The following MYRF variants were observed in gnomAD, a reference collection of about 807,000 sequenced individuals.
MYRF encodes myelin gene regulatory factor.
Under a neutral mutation model 126.3 loss-of-function variants are expected in MYRF, and 16 were observed. The observed-to-expected ratio is 0.13, with a 90% confidence interval of 0.09 to 0.19. The LOEUF is 0.19. Among genes scored for constraint, MYRF ranks in the 10% least tolerant of loss-of-function variants. The pLI is 1.00. For synonymous variants in MYRF, 608 were observed against 635.3 expected, an observed-to-expected ratio of 0.96 and a Z score of 0.65; for missense variants, 1,104 against 1,547.0, an observed-to-expected ratio of 0.71 and a Z score of 4.80.
chr11:61,766,486 C>T, intron 3 of MYRF: 1 of 461,698 alleles, frequency 2.2e-6, no homozygotes, highest in Non-Finnish European at 3.8e-6. Flanking sequence ...AATCTCGATG[C>T]TGTGTGGAGA....
intron 17 of MYRF, 58 bp downstream of exon 17, chr11:61,779,988 GA>G: frequency 1.4e-6 from 2 of 1,479,478 alleles, no homozygotes; most frequent in Non-Finnish European, 1.9e-6. Flanking sequence ...CTGCCCAGTG[GA>G]GTCAGCTGCC....
intron 24 of MYRF, 81 bp from the exon 25 acceptor site, chr11:61,784,199 C>A: frequency 1.5e-6 from 2 of 1,302,348 alleles, no homozygotes; most frequent in Non-Finnish European, 1.1e-6. Context: ...GATTCAGAGG[C>A]GTGTGGCAGG....
chr11:61,781,146 A>C lies in MYRF; in HGVS notation c.2581A>C (p.Ser861Arg). 1 of 1,613,498 alleles carries C rather than the reference A, an allele frequency of 6.2e-7. No homozygotes were observed. The stretch of plus-strand genomic sequence containing the variant: ...GCCTCTGGCCTCCTCAGTGACCACC[A>C]GCCTCACCAGCTCGGCCCCAGGTTC... ...IQPSLLLVTT[S>R]LTSSAPGSAV... The change falls in exon 21 of 27, where the codon AGC becomes CGC. Residue 861 changes from serine to arginine, a missense_variant. Ser to Arg is a moderately radical substitution (Grantham distance 110, BLOSUM62 -1). This residue lies in a region of MYRF where 323 missense variants were observed against 383.1 expected (regional missense o/e 0.84). Coordinates refer to ENST00000278836, the MANE Select transcript of MYRF (RefSeq NM_001127392.3).
intron 1 of MYRF, among the ~76,000 whole-genome samples, chr11:61,764,920 C>G (rs1383475158): frequency 6.6e-6 from 1 of 152,220 alleles, no homozygotes; most frequent in Non-Finnish European, 1.5e-5. Flanking sequence ...GCTTCTGCCT[C>G]CTCTGGAAAA....
Position 61,777,314 on chromosome 11 carries a change from G to T in MYRF, c.1641G>T (p.Arg547=), listed in dbSNP as rs570255243. ...FESDSDVLWQ[R]AQVPDTVFHH... is the part of the protein sequence containing the mutation. ...GCGACAGCGATGTGTTGTGGCAGCG[G>T]GCACAGGTGCCCGACACCGTCTTCC... is the stretch of plus-strand genomic sequence containing the variant. The change falls in exon 12 of 27, where the codon CGG becomes CGT. Residue 547 remains arginine, a synonymous_variant. Coordinates refer to ENST00000278836, the MANE Select transcript of MYRF (RefSeq NM_001127392.3). The surrounding 1 kb of genome is among the most constrained non-coding windows in gnomAD (Gnocchi z 8.8). The T allele has an allele frequency of 1.1e-5, 18 of 1,613,430 alleles. No homozygotes were observed. The South Asian group carries it at 2.0e-4, about 18-fold the overall frequency.
In MYRF at chr11:61,777,757, G is replaced by A. The variant is rs762055294; in HGVS notation, c.1815G>A (p.Lys605=). 15 of 1,551,614 alleles carry A rather than the reference G, an allele frequency of 9.7e-6. No homozygotes were observed. The African/African-American group carries it at 1.9e-4, about 20-fold the overall frequency. ...VQEVDTTEQL[K]RISRMRLVHY... ...AGGTGGACACCACCGAGCAATTGAA[G>A]AGGATCTCGCGCATGCGGCTGGTGC... Residue 605 remains lysine, a synonymous_variant, in exon 13 of 27, where the codon AAG becomes AAA. Coordinates refer to ENST00000278836, the MANE Select transcript of MYRF (RefSeq NM_001127392.3). The surrounding 1 kb of genome is among the most constrained non-coding windows in gnomAD (Gnocchi z 8.8).
chr11:61,767,050 A>G (rs1390102461), intron 3 of MYRF: 2 of 456,488 alleles, frequency 4.4e-6, no homozygotes, highest in Non-Finnish European at 8.8e-6. Flanking sequence ...TTACCCCTCA[A>G]GATTATCGTG....
At position 61,770,270 on chromosome 11, in the gene MYRF, C is replaced by T. The variant is rs1228551678; in HGVS notation, c.485C>T (p.Thr162Ile). Residue 162 changes from threonine to isoleucine, a missense_variant, in exon 5 of 27, where the codon ACC becomes ATC. By Grantham distance (89) the Thr-to-Ile change is moderately conservative. Coordinates refer to ENST00000278836, the MANE Select transcript of MYRF (RefSeq NM_001127392.3). ...GAGCCCCACCTCCTGCGCACGATAA[C>T]CCCTGAGACACTGTGCCACGTGGGA... ...VNEPHLLRTI[T>I]PETLCHVGVP... The T allele has an allele frequency of 1.2e-6, 2 of 1,608,732 alleles. No homozygotes were observed. The highest frequency in any genetic ancestry group is 1.7e-6 in the Non-Finnish European group (2 of 1,178,910).
chr11:61,756,218 TG>T (rs2065748563), intron 1 of MYRF, among the ~76,000 whole-genome samples: 1 of 152,140 alleles, frequency 6.6e-6, no homozygotes, highest in Non-Finnish European at 1.5e-5. Context: ...TGGCGCTGGC[TG>T]AGGCTCAGAG....
chr11:61,767,093 T>TA (rs2066082986), intron 3 of MYRF: 3 of 456,524 alleles, frequency 6.6e-6, no homozygotes, highest in African/African-American at 6.0e-5. Flanking sequence ...ATGCCCTGGG[T>TA]GCATGGTGGC....
At chr11:61,780,549 G>A (rs1212474612) in intron 18 of MYRF, among the ~76,000 whole-genome samples, 163 bp from the exon 19 acceptor site, 6 of 152,200 alleles carry the variant, frequency 3.9e-5, no homozygotes, top group Admixed American at 3.9e-4. Context: ...GGCTGTCTGA[G>A]GGGCTGGGGT....
At position 61,776,774 on chromosome 11, in the gene MYRF, CT is replaced by C. The variant is rs757029065; in HGVS notation, c.1500-12del. 4.4e-6 allele frequency: 7 copies of C among 1,584,386 alleles called. No individual in the cohort carries two copies. The highest frequency in any genetic ancestry group is 6.0e-6 in the Non-Finnish European group (7 of 1,165,028). On this transcript the variant is annotated splice_polypyrimidine_tract_variant and intron_variant, in intron 10 of 26. Coordinates refer to ENST00000278836, the MANE Select transcript of MYRF (RefSeq NM_001127392.3). This position sits in a 1 kb window ranked among gnomAD's most constrained non-coding sequence, Gnocchi z 4.3. ...CAGGCCATGAGTACTTCTGAGACCC[CT>C]GTGTGTCCCAGGTACTTCATGCTGG...
At position 61,777,485 on chromosome 11, in the gene MYRF, G is replaced by T; in HGVS notation, c.1791+21G>T. The T allele has an allele frequency of 6.3e-7, 1 of 1,579,570 alleles. No individual in the cohort carries two copies. Among genetic ancestry groups the T allele is most frequent in the Non-Finnish European group, 8.6e-7 (1 of 1,162,572 alleles). On this transcript the variant is annotated intron_variant, in intron 12 of 26. Transcript: ENST00000278836. This position sits in a 1 kb window ranked among gnomAD's most constrained non-coding sequence, Gnocchi z 8.8. ...AGGAGGTGGGGACAGGGCTGTGGGG[G>T]CCGGGCGGGTCCAGACGCTGGAGCG... is the stretch of plus-strand genomic sequence containing the variant.
In MYRF at chr11:61,771,852, C is replaced by T. The variant is rs780685995; in HGVS notation, c.1015C>T (p.Leu339Phe). 1 of 1,614,172 alleles carries T rather than the reference C, an allele frequency of 6.2e-7. No homozygotes were observed. Among genetic ancestry groups the T allele is most frequent in the Non-Finnish European group, 8.5e-7 (1 of 1,180,018 alleles). ...AGGCCTCCTGCAGGACAGTGACAGC[C>T]TCAGTGGCTCCTACCTGGACCCCAA... ...SPGLLQDSDS[L>F]SGSYLDPNYQ... Residue 339 changes from leucine (L) to phenylalanine (F), a missense_variant, in exon 7 of 27, where the codon CTC (leucine) becomes TTC (phenylalanine). Coordinates refer to ENST00000278836, the MANE Select transcript of MYRF (RefSeq NM_001127392.3).
In MYRF at chr11:61,771,837, C is replaced by A. The variant is rs2066231176; in HGVS notation, c.1000C>A (p.Gln334Lys). The change falls in exon 7 of 27, where the codon CAG becomes AAG. Residue 334 changes from glutamine (Q) to lysine (K), a missense_variant. This residue lies in a region of MYRF where 87 missense variants were observed against 129.2 expected (regional missense o/e 0.67). Coordinates refer to ENST00000278836, the MANE Select transcript of MYRF (RefSeq NM_001127392.3). ...PPGAPSPGLL[Q>K]DSDSLSGSYL... ...GCGTTCCCTCCCTCCAGGCCTCCTGCAGGACAGTGACAGCCTCAGTGGCTC... is the reference window on the plus strand; with the variant it reads ...GCGTTCCCTCCCTCCAGGCCTCCTGAAGGACAGTGACAGCCTCAGTGGCTC... 6.2e-7 allele frequency: 1 copy of A among 1,613,972 alleles called. No individual in the cohort carries two copies. Among genetic ancestry groups the A allele is most frequent in the South Asian group, 1.1e-5 (1 of 91,092 alleles).
rs753852518 is a variant in MYRF at position 61,771,659 on chromosome 11, G to A, written c.900G>A (p.Gln300=). The A allele has an allele frequency of 1.2e-6, 2 of 1,613,870 alleles. No individual in the cohort carries two copies. Among genetic ancestry groups the A allele is most frequent in the Non-Finnish European group, 1.7e-6 (2 of 1,179,978 alleles). The change falls in exon 6 of 27, where the codon CAG becomes CAA. Residue 300 remains glutamine, a synonymous_variant. Coordinates refer to ENST00000278836, the MANE Select transcript of MYRF (RefSeq NM_001127392.3). ...CCCCATCGCCACCCTGGCCTCCCCA[G>A]GGTCCGCTCTCCCCGGGCCCTGGTT... ...TRAPSPPWPP[Q]GPLSPGPGSL... is the part of the protein sequence containing the mutation.
Position 61,771,645 on chromosome 11 carries a change from C to A in MYRF, c.886C>A (p.Pro296Thr). ...PLHPTRAPSPPWPPQGPLSPG... is the reference protein window; with the variant it reads ...PLHPTRAPSPTWPPQGPLSPG... Reference sequence around the variant, plus strand: ...GCACCCCACTCGAGCCCCATCGCCACCCTGGCCTCCCCAGGGTCCGCTCTC... The same window carrying A: ...GCACCCCACTCGAGCCCCATCGCCAACCTGGCCTCCCCAGGGTCCGCTCTC... The change falls in exon 6 of 27, where the codon CCC (proline) becomes ACC (threonine). Residue 296 changes from proline (P) to threonine (T), a missense_variant. By Grantham distance (38) the Pro-to-Thr change is conservative. Around this residue, in one of 10 missense-constraint regions of MYRF, gnomAD observed 368 missense variants for 403.9 expected, o/e 0.91. Transcript: ENST00000278836. 1 of 1,613,986 alleles carries A rather than the reference C, an allele frequency of 6.2e-7. No homozygotes were observed. The highest frequency in any genetic ancestry group is 8.5e-7 in the Non-Finnish European group (1 of 1,180,000).
chr11:61,773,940 G>GGGGAGTGCCCTCAC, intron 7 of MYRF, 27 bp from the exon 8 acceptor site: 1 of 1,583,598 alleles, frequency 6.3e-7, no homozygotes, highest in Non-Finnish European at 8.6e-7. Context: ...TGGGGCCTCA[G>GGGGAGTGCCCTCAC]GGGAGTGCCC....
At chr11:61,770,928 C>G (rs1243831641) in intron 5 of MYRF, among the ~76,000 whole-genome samples, 3 of 152,136 alleles carry the variant, frequency 2.0e-5, no homozygotes, top group Non-Finnish European at 4.4e-5. Flanking sequence ...CCCAAGCCCC[C>G]GACTCTGACT....
Sources: allele counts gnomAD v4.1 joint callset (sites outside exome capture counted in the v4.1 genomes callset), GRCh38; gene constraint gnomAD v4.1.1; regional missense constraint gnomAD v4.1.1; non-coding constraint Gnocchi (gnomAD v3.1); transcripts MANE v1.5; gene names NCBI Gene and HGNC (gene_info 2026-07-23, HGNC 2026-07-21).